The following TENM2 variants were observed in gnomAD, a reference collection of about 807,000 sequenced individuals.
TENM2 encodes teneurin-2.
Under a neutral mutation model 245.2 loss-of-function variants are expected in TENM2, and 52 were observed. The ratio of observed to expected loss-of-function variants is 0.21; its 90% CI spans 0.17 to 0.27. The LOEUF (loss-of-function observed/expected upper bound fraction) is 0.27. TENM2 is among the 10% of genes least tolerant of loss of function. The pLI is 1.00. For missense variants in TENM2, 3,046 were observed against 3,666.8 expected, an observed-to-expected ratio of 0.83 and a Z score of 4.37; for synonymous variants, 1,363 against 1,438.9, an observed-to-expected ratio of 0.95 and a Z score of 1.19.
chr5:167,846,817 C>T (rs1770085575), intron 2 of TENM2, among the ~76,000 whole-genome samples: 1 of 152,184 alleles, frequency 6.6e-6, no homozygotes, highest in African/African-American at 2.4e-5. Context: ...CCTCTTCTAC[C>T]TCCTCTGAAA....
chr5:167,275,810 A>T, the TENM2 span, among the ~76,000 whole-genome samples: 1 of 151,962 alleles, frequency 6.6e-6, no homozygotes, highest in Non-Finnish European at 1.5e-5. Flanking sequence ...GTAAACAGGG[A>T]AAGTTTTATG....
At chr5:167,987,341 T>C (rs1432069993) in intron 4 of TENM2, among the ~76,000 whole-genome samples, 2 of 151,944 alleles carry the variant, frequency 1.3e-5, no homozygotes, top group African/African-American at 4.8e-5. Context: ...CCTTTTTTTT[T>C]TTTTAGTTGG....
At chr5:167,724,997 C>T (rs908699624) in intron 2 of TENM2, among the ~76,000 whole-genome samples, 9 of 152,036 alleles carry the variant, frequency 5.9e-5, no homozygotes, top group Non-Finnish European at 1.0e-4. Flanking sequence ...CTTTCTTTTC[C>T]AAATTTCAAT....
At chr5:167,756,549 T>C (rs1450269444) in intron 2 of TENM2, among the ~76,000 whole-genome samples, 1 of 152,148 alleles carries the variant, frequency 6.6e-6, no homozygotes, top group African/African-American at 2.4e-5. Context: ...AGAAGAGATA[T>C]GAGGCTCCAG....
At chr5:167,260,082 A>G in the TENM2 span, among the ~76,000 whole-genome samples, 1 of 152,194 alleles carries the variant, frequency 6.6e-6, no homozygotes, top group African/African-American at 2.4e-5. Flanking sequence ...AATCCTGGTC[A>G]GTTTATCCAT....
intron 5 of TENM2, among the ~76,000 whole-genome samples, chr5:168,014,446 G>T (rs1785501502): frequency 6.6e-6 from 1 of 152,120 alleles, no homozygotes; most frequent in Non-Finnish European, 1.5e-5. Context: ...TTATCATCTA[G>T]ACTCTCTTAA....
chr5:167,181,472 G>GTGTGTC, the TENM2 span, among the ~76,000 whole-genome samples: 1 of 135,170 alleles, frequency 7.4e-6, no homozygotes, highest in Non-Finnish European at 1.6e-5. Flanking sequence ...TCGTTTGTGT[G>GTGTGTC]TGTGTGTGTG....
chr5:167,765,793 T>C (rs1762978735), intron 2 of TENM2, among the ~76,000 whole-genome samples: 1 of 152,198 alleles, frequency 6.6e-6, no homozygotes, highest in Non-Finnish European at 1.5e-5. Flanking sequence ...ACCGGACACA[T>C]TCTTTCTAAC....
chr5:168,070,795 G>GAA (rs1221072723), intron 7 of TENM2, among the ~76,000 whole-genome samples: 37 of 53,818 alleles, frequency 6.9e-4, no homozygotes, highest in African/African-American at 1.8e-3. Flanking sequence ...AAGAAAGAAA[G>GAA]AGAGAGAGAG....
chr5:167,589,206 A>AC (rs1775712395), intron 2 of TENM2, among the ~76,000 whole-genome samples: 2 of 151,884 alleles, frequency 1.3e-5, no homozygotes, highest in Non-Finnish European at 2.9e-5. Context: ...TCTCAAAAAA[A>AC]AAAAAAAAAT....
chr5:168,159,757 A>T (rs918670234), intron 12 of TENM2, among the ~76,000 whole-genome samples: 1 of 152,050 alleles, frequency 6.6e-6, no homozygotes, highest in Non-Finnish European at 1.5e-5. Flanking sequence ...TCTTGTTTTC[A>T]TCTTCCTCAT....
chr5:167,933,402 A>G (rs1458977591), intron 3 of TENM2, among the ~76,000 whole-genome samples: 1 of 152,182 alleles, frequency 6.6e-6, no homozygotes, highest in Non-Finnish European at 1.5e-5. Context: ...TCAAGGATGG[A>G]GACAAAATAA....
At chr5:167,019,186 C>T in the TENM2 span, among the ~76,000 whole-genome samples, 1 of 152,004 alleles carries the variant, frequency 6.6e-6, no homozygotes, top group African/African-American at 2.4e-5. Flanking sequence ...CATCTGTTCA[C>T]TTGCAGTTGG....
chr5:167,208,233 C>T, the TENM2 span, among the ~76,000 whole-genome samples: 1 of 152,194 alleles, frequency 6.6e-6, no homozygotes, highest in Non-Finnish European at 1.5e-5. Context: ...CCTTGCCAGG[C>T]ATTTCATGTT....
intron 5 of TENM2, among the ~76,000 whole-genome samples, chr5:168,010,587 C>T (rs1480846486): frequency 6.6e-6 from 1 of 152,104 alleles, no homozygotes; most frequent in African/African-American, 2.4e-5. Context: ...TAAGGGCTCC[C>T]AAAAAGATCC....
At chr5:167,719,107 G>A (rs1451186335) in intron 2 of TENM2, among the ~76,000 whole-genome samples, 1 of 152,152 alleles carries the variant, frequency 6.6e-6, no homozygotes, top group Non-Finnish European at 1.5e-5. Context: ...ACAAAAAGAT[G>A]TCTACCCATA....
At chr5:167,973,247 C>G (rs1583529179) in intron 4 of TENM2, among the ~76,000 whole-genome samples, 1 of 152,164 alleles carries the variant, frequency 6.6e-6, no homozygotes, top group African/African-American at 2.4e-5. Flanking sequence ...TATGTGAGGG[C>G]TCTGTCAGTA....
chr5:167,050,975 G>C, the TENM2 span, among the ~76,000 whole-genome samples: 2 of 152,054 alleles, frequency 1.3e-5, no homozygotes, highest in African/African-American at 4.8e-5. Context: ...GTTTTCCCTT[G>C]TCTAAAACAC....
In TENM2 at chr5:167,446,238, C is replaced by A. The variant is rs150146080; in HGVS notation, c.502+70765C>A. On this transcript the variant is annotated intron_variant, in intron 2 of 28. Transcript: ENST00000518659. Reference sequence around the variant, plus strand: ...CTGGACTCTGAAAGGCGAGTGAACACTGAAAGACTGTCTCTCTCATCTCTC... The same window carrying A: ...CTGGACTCTGAAAGGCGAGTGAACAATGAAAGACTGTCTCTCTCATCTCTC... Among the ~76,000 whole-genome samples, 42 of 152,280 alleles carry A rather than the reference C, an allele frequency of 2.8e-4. No homozygotes were observed. In the East Asian group the frequency reaches 7.5e-3, roughly 27 times the overall value.
Sources: allele counts gnomAD v4.1 joint callset (sites outside exome capture counted in the v4.1 genomes callset), GRCh38; gene constraint gnomAD v4.1.1; transcripts MANE v1.5; gene names NCBI Gene and HGNC (gene_info 2026-07-23, HGNC 2026-07-21).